FER: variants seen among roughly 807,000 people sequenced by gnomAD.
FER encodes the protein tyrosine-protein kinase Fer.
A neutral mutation model predicts 111.0 loss-of-function variants in FER; 63 were observed. That is an observed-to-expected ratio of 0.57 (90% CI 0.46 to 0.70). The LOEUF is 0.70. Ranked by LOEUF, FER falls within the 30% of genes least tolerant of loss-of-function variation. The probability of loss-of-function intolerance (pLI) is 0.00; values close to 1 mark genes in which losing one functional copy is unlikely to be tolerated. For synonymous variants in FER, 327 were observed against 313.9 expected, an observed-to-expected ratio of 1.04 and a Z score of -0.44; for missense variants, 914 against 954.0, an observed-to-expected ratio of 0.96 and a Z score of 0.55.
chr5:109,041,842 G>A lies in FER; in HGVS notation c.1714-2838G>A, dbSNP rs74761555. On this transcript the variant is annotated intron_variant, in intron 14 of 19. Coordinates refer to ENST00000281092, the MANE Select transcript of FER (RefSeq NM_005246.4). Reference sequence around the variant, plus strand: ...GTTTCAGGAATGTGGGAGAGATAATGGTTTAAAGCCAGTGATAAGTAGGTA... The same window carrying A: ...GTTTCAGGAATGTGGGAGAGATAATAGTTTAAAGCCAGTGATAAGTAGGTA... Among the ~76,000 whole-genome samples, 929 of 152,180 alleles carry A rather than the reference G, an allele frequency of 6.1e-3. 6 individuals are homozygous for A. Among genetic ancestry groups the A allele is most frequent in the Middle Eastern group, 0.01 (3 of 294 alleles).
At chr5:109,057,036 G>T (rs1313222071) in intron 16 of FER, among the ~76,000 whole-genome samples, 3 of 152,028 alleles carry the variant, frequency 2.0e-5, no homozygotes, top group African/African-American at 7.2e-5. Flanking sequence ...AGACTTCCTA[G>T]CAATATTAAG....
chr5:109,099,164 A>G (rs114410734), intron 16 of FER, among the ~76,000 whole-genome samples: 2,056 of 151,694 alleles, frequency 0.014, 37 homozygotes, highest in African/African-American at 0.047. Flanking sequence ...ATTTTAATAT[A>G]CTTTAACTCT....
chr5:109,096,397 T>C (rs925144893), intron 16 of FER, among the ~76,000 whole-genome samples: 2 of 151,992 alleles, frequency 1.3e-5, no homozygotes, highest in African/African-American at 4.8e-5. Flanking sequence ...TAGGCTTTAT[T>C]CAGTTAATTG....
chr5:108,981,219 G>C (rs1466648131), intron 13 of FER, among the ~76,000 whole-genome samples: 1 of 151,768 alleles, frequency 6.6e-6, no homozygotes, highest in Non-Finnish European at 1.5e-5. Flanking sequence ...AATGACTGTA[G>C]TATTTAAACA....
chr5:108,817,137 A>AG (rs1758365710), intron 3 of FER, among the ~76,000 whole-genome samples: 3 of 141,508 alleles, frequency 2.1e-5, no homozygotes, highest in Admixed American at 7.1e-5. Flanking sequence ...AAAAAAAAAA[A>AG]GCTTGCAGTT....
At chr5:109,166,027 A>G (rs573154713) in intron 17 of FER, among the ~76,000 whole-genome samples, 2 of 152,210 alleles carry the variant, frequency 1.3e-5, no homozygotes, top group South Asian at 4.1e-4. Context: ...ATTTCCAGCT[A>G]TAGTTGTTTC....
intron 13 of FER, among the ~76,000 whole-genome samples, chr5:109,022,444 C>T (rs1233218367): frequency 6.6e-6 from 1 of 152,072 alleles, no homozygotes; most frequent in Non-Finnish European, 1.5e-5. Flanking sequence ...TCCTATACTG[C>T]CATGTTCTAG....
At chr5:109,055,074 C>T (rs1773448301) in intron 16 of FER, among the ~76,000 whole-genome samples, 1 of 152,164 alleles carries the variant, frequency 6.6e-6, no homozygotes, top group Non-Finnish European at 1.5e-5. Flanking sequence ...AAAGAATAGT[C>T]TGCCTGACAG....
intron 16 of FER, among the ~76,000 whole-genome samples, chr5:109,060,245 T>C (rs867120533): frequency 1.3e-5 from 2 of 152,168 alleles, no homozygotes; most frequent in Non-Finnish European, 2.9e-5. Context: ...CATTGAATTG[T>C]ACAATAAGCT....
At chr5:109,050,470 C>T (rs1772634875) in intron 16 of FER, among the ~76,000 whole-genome samples, 1 of 152,176 alleles carries the variant, frequency 6.6e-6, no homozygotes, top group Non-Finnish European at 1.5e-5. Context: ...CAAACTTCCA[C>T]ACACATACAA....
chr5:109,020,308 T>C (rs1767752574), intron 13 of FER, among the ~76,000 whole-genome samples: 1 of 151,920 alleles, frequency 6.6e-6, no homozygotes, highest in Non-Finnish European at 1.5e-5. Context: ...ATCAGTAATA[T>C]TACTTTATAG....
chr5:108,839,604 G>A (rs1347821331), intron 5 of FER, among the ~76,000 whole-genome samples: 2 of 127,084 alleles, frequency 1.6e-5, no homozygotes. Context: ...TTGAGACGGA[G>A]CCTCGCTCTG....
At chr5:109,022,199 C>T (rs1768021633) in intron 13 of FER, among the ~76,000 whole-genome samples, 1 of 152,044 alleles carries the variant, frequency 6.6e-6, no homozygotes, top group Non-Finnish European at 1.5e-5. Flanking sequence ...GAGCCCACTT[C>T]CATGCCCTGC....
chr5:109,099,696 T>C (rs971980553), intron 16 of FER, among the ~76,000 whole-genome samples: 1 of 151,608 alleles, frequency 6.6e-6, no homozygotes, highest in South Asian at 2.1e-4. Context: ...TTAAATATTT[T>C]TAAAAATTTT....
At chr5:108,955,002 C>T (rs1247851599) in intron 12 of FER, 70 bp downstream of exon 12, 6 of 1,330,176 alleles carry the variant, frequency 4.5e-6, no homozygotes, top group African/African-American at 3.0e-5. Flanking sequence ...ATTAAAATAA[C>T]GAATGGTTTG....
rs765846964 is a variant in FER, at chr5:108,832,900, G to T, written c.338G>T (p.Ser113Ile). 6.2e-7 allele frequency: 1 copy of T among 1,605,012 alleles called. No homozygotes were observed. The highest frequency in any genetic ancestry group is 1.7e-5 in the Admixed American group (1 of 59,284). ...MIKDKQQVKK[S>I]YIGVHQQIEA... ...AAGGACAAGCAGCAGGTGAAGAAAA[G>T]TTACATAGGTGTTCATCAGCAGATA... The change falls in exon 4 of 20, where the codon AGT (serine) becomes ATT (isoleucine). Residue 113 changes from serine (S) to isoleucine (I), a missense_variant. Transcript: ENST00000281092.
At chr5:108,879,819 C>T (rs989512158) in intron 8 of FER, among the ~76,000 whole-genome samples, 3 of 150,818 alleles carry the variant, frequency 2.0e-5, no homozygotes, top group Non-Finnish European at 3.0e-5. Context: ...AAGTGATTCT[C>T]CTGCCTCAGC....
At chr5:109,148,289 T>G (rs1183309894) in intron 17 of FER, among the ~76,000 whole-genome samples, 2 of 152,170 alleles carry the variant, frequency 1.3e-5, no homozygotes, top group Admixed American at 6.6e-5. Context: ...TTTTGAGGCA[T>G]CTTTATTTTT....
intron 16 of FER, among the ~76,000 whole-genome samples, chr5:109,061,257 T>G (rs1322472466): frequency 6.6e-6 from 1 of 152,190 alleles, no homozygotes; most frequent in East Asian, 1.9e-4. Flanking sequence ...TAAGACCACT[T>G]CAAAATTATT....
Sources: allele counts gnomAD v4.1 joint callset (sites outside exome capture counted in the v4.1 genomes callset), GRCh38; gene constraint gnomAD v4.1.1; transcripts MANE v1.5; gene names NCBI Gene and HGNC (gene_info 2026-07-23, HGNC 2026-07-21).